The following H1-8 variants were observed in gnomAD, a reference collection of about 807,000 sequenced individuals.
H1-8 encodes the protein H1.8 linker histone.
Under a neutral mutation model 19.5 loss-of-function variants are expected in H1-8, and 13 were observed. The observed-to-expected ratio is 0.67, with a 90% CI of 0.43 to 1.06. H1-8 has a LOEUF of 1.06. Among genes scored for constraint, H1-8 ranks in the 50% least tolerant of loss-of-function variants. The pLI is 0.00. For missense variants in H1-8, 432 were observed against 459.8 expected, an observed-to-expected ratio of 0.94 and a Z score of 0.55; for synonymous variants, 193 against 187.6, an observed-to-expected ratio of 1.03 and a Z score of -0.24.
In H1-8 at chr3:129,549,178, C is replaced by G. The variant is rs749481574; in HGVS notation, c.556C>G (p.Pro186Ala). ...CAAGAGGCCAGCAAAGGTGCAGAAGCCTCCTCCCAAGCCAGGCGCAGCCAC... is the reference window on the plus strand; with the variant it reads ...CAAGAGGCCAGCAAAGGTGCAGAAGGCTCCTCCCAAGCCAGGCGCAGCCAC... Reference protein sequence around the residue: ...AAKRPAKVQKPPPKPGAATEK... With the variant: ...AAKRPAKVQKAPPKPGAATEK... Residue 186 changes from proline to alanine, a missense_variant, in exon 3 of 5, where the codon CCT (proline) becomes GCT (alanine). Transcript: ENST00000324382. 6.4e-7 allele frequency: 1 copy of G among 1,564,630 alleles called. No homozygotes were observed. Among genetic ancestry groups the G allele is most frequent in the East Asian group, 2.4e-5 (1 of 42,254 alleles).
Position 129,543,196 on chromosome 3 carries a change from T to G in H1-8, c.-23T>G. 6.3e-7 allele frequency: 1 copy of G among 1,597,446 alleles called. No homozygotes were observed. Among genetic ancestry groups the G allele is most frequent in the Non-Finnish European group, 8.6e-7 (1 of 1,168,506 alleles). ...CAGCCTCACACCCGGGTGAGGGGTCTGCTGGCTGCACCTGTCGGTCTCATG... is the reference window on the plus strand; with the variant it reads ...CAGCCTCACACCCGGGTGAGGGGTCGGCTGGCTGCACCTGTCGGTCTCATG... On this transcript the variant is annotated 5_prime_UTR_variant, in exon 1 of 5. Transcript: ENST00000324382.
intron 1 of H1-8, among the ~76,000 whole-genome samples, chr3:129,545,270 C>T (rs1382928117): frequency 6.6e-6 from 1 of 152,030 alleles, no homozygotes; most frequent in Non-Finnish European, 1.5e-5. Flanking sequence ...CGATATTGCC[C>T]AGAATTTAAG....
intron 3 of H1-8, among the ~76,000 whole-genome samples, chr3:129,549,611 G>A (rs1377356304): frequency 6.6e-6 from 1 of 151,868 alleles, no homozygotes; most frequent in African/African-American, 2.4e-5. Flanking sequence ...GGAGGAAGGT[G>A]TCTCAAGCAG....
At chr3:129,548,214 T>C (rs2625966) in intron 2 of H1-8, 108,673 of 443,178 alleles carry the variant, frequency 0.25, 23,186 homozygotes, top group African/African-American at 0.8. Flanking sequence ...CATTGCTGGG[T>C]CCCCTGCATC....
chr3:129,549,147 G>T lies in H1-8; in HGVS notation c.525G>T (p.Lys175Asn). 1.9e-6 allele frequency: 3 copies of T among 1,570,722 alleles called. No homozygotes were observed. The highest frequency in any genetic ancestry group is 2.6e-6 in the Non-Finnish European group (3 of 1,156,998). Residue 175 changes from lysine (K) to asparagine (N), a missense_variant, in exon 3 of 5, where the codon AAG (lysine) becomes AAT (asparagine). Transcript: ENST00000324382. ...CTCCCAACGTGGGCAAGGTGAAAAA[G>T]GCAGCCAAGAGGCCAGCAAAGGTGC... The part of the protein sequence containing the change: ...EDPPNVGKVK[K>N]AAKRPAKVQK...
At chr3:129,549,513 G>A (rs563805145) in intron 3 of H1-8, 149 bp downstream of exon 3, 100 of 951,568 alleles carry the variant, frequency 1.1e-4, no homozygotes, top group Non-Finnish European at 1.4e-4. Flanking sequence ...GAGAACTCAT[G>A]GTAGCTGGTT....
chr3:129,548,897 C>G, intron 2 of H1-8, 104 bp from the exon 3 acceptor site: 1 of 1,424,092 alleles, frequency 7.0e-7, no homozygotes, highest in South Asian at 1.4e-5. Context: ...GCCTGTGGAG[C>G]CCCCCTGTTT....
intron 2 of H1-8, chr3:129,548,243 G>A (rs761982454): frequency 1.4e-5 from 11 of 775,882 alleles, no homozygotes; most frequent in Non-Finnish European, 1.7e-5. Flanking sequence ...CTTCCTGCAT[G>A]TAGCAGCTGC....
chr3:129,544,350 G>A (rs1485048998), intron 1 of H1-8, among the ~76,000 whole-genome samples: 1 of 152,070 alleles, frequency 6.6e-6, no homozygotes, highest in African/African-American at 2.4e-5. Flanking sequence ...GATACAGCGA[G>A]GAGAATGCAT....
intron 2 of H1-8, 34 bp from the exon 3 acceptor site, chr3:129,548,967 T>C: frequency 6.4e-7 from 1 of 1,559,434 alleles, no homozygotes. Context: ...CACCTGAGGC[T>C]CTGCTTTCAG....
intron 1 of H1-8, among the ~76,000 whole-genome samples, chr3:129,546,971 G>A (rs1020593096): frequency 1.3e-5 from 2 of 152,152 alleles, no homozygotes; most frequent in African/African-American, 2.4e-5. Context: ...AGGCCGAGGC[G>A]GGTGGGTCAT....
intron 1 of H1-8, among the ~76,000 whole-genome samples, chr3:129,544,187 C>T (rs760735781): frequency 4.6e-5 from 7 of 152,074 alleles, no homozygotes; most frequent in East Asian, 1.9e-4. Context: ...CAGCTTGTCT[C>T]GGAAGCTGCA....
In H1-8 at chr3:129,547,248, A is replaced by T. The variant is rs1472656159; in HGVS notation, c.89-143A>T. 13 of 763,676 alleles carry T rather than the reference A, an allele frequency of 1.7e-5. No homozygotes were observed. In the South Asian group the frequency reaches 1.9e-4, roughly 11 times the overall value. 47.3% of individuals were successfully genotyped at this position (763,676 alleles called of 1,614,324 possible). Reference sequence around the variant, plus strand: ...GAGCCTTGAGGGGAGACCATCCGGGAGCTCCCATGCCAGCGGTCAGTGTCT... The same window carrying T: ...GAGCCTTGAGGGGAGACCATCCGGGTGCTCCCATGCCAGCGGTCAGTGTCT... On this transcript the variant is annotated intron_variant, in intron 1 of 4. Coordinates refer to ENST00000324382, the MANE Select transcript of H1-8 (RefSeq NM_153833.3).
rs772072717 is a variant in H1-8 at position 129,549,256 on chromosome 3, G to A, written c.634G>A (p.Gly212Arg). The change falls in exon 3 of 5, where the codon GGA (glycine) becomes AGA (arginine). Residue 212 changes from glycine to arginine, a missense_variant. Coordinates refer to ENST00000324382, the MANE Select transcript of H1-8 (RefSeq NM_153833.3). ...GGCCAAGGACACCAGGGCACAGTCGGGAGAGGCTAGGAAGGTGCCCCCCAA... is the reference window on the plus strand; with the variant it reads ...GGCCAAGGACACCAGGGCACAGTCGAGAGAGGCTAGGAAGGTGCCCCCCAA... ...GAAKDTRAQS[G>R]EARKVPPKPD... The A allele has an allele frequency of 2.5e-6, 4 of 1,570,968 alleles. No homozygotes were observed. The highest frequency in any genetic ancestry group is 3.3e-4 in the Middle Eastern group (2 of 6,004).
chr3:129,545,330 T>C (rs1276403382), intron 1 of H1-8, among the ~76,000 whole-genome samples: 2 of 152,292 alleles, frequency 1.3e-5, no homozygotes, highest in East Asian at 3.9e-4. Flanking sequence ...ATTCACCACA[T>C]TTAAATCCGG....
At position 129,549,048 on chromosome 3, in the gene H1-8, C is replaced by A; in HGVS notation, c.426C>A (p.Pro142=). The A allele has an allele frequency of 1.2e-6, 2 of 1,612,888 alleles. No individual in the cohort carries two copies. The highest frequency in any genetic ancestry group is 1.7e-6 in the Non-Finnish European group (2 of 1,179,554). Residue 142 remains proline, a synonymous_variant, in exon 3 of 5, where the codon CCC becomes CCA. Coordinates refer to ENST00000324382, the MANE Select transcript of H1-8 (RefSeq NM_153833.3). ...KKKIQPRKMA[P]ATAPRRAGEA... is the part of the protein sequence containing the mutation. The stretch of plus-strand genomic sequence containing the variant: ...AAATCCAGCCCAGGAAGATGGCCCC[C>A]GCGACGGCTCCCAGGAGAGCGGGTG...
chr3:129,546,132 A>ATT, intron 1 of H1-8, among the ~76,000 whole-genome samples: 1 of 143,114 alleles, frequency 7.0e-6, no homozygotes, highest in Admixed American at 7.0e-5. Flanking sequence ...CAATAATAAT[A>ATT]ATAATAATAA....
intron 2 of H1-8, 98 bp from the exon 3 acceptor site, chr3:129,548,903 T>A: frequency 5.5e-6 from 8 of 1,466,274 alleles, no homozygotes; most frequent in South Asian, 2.8e-5. Flanking sequence ...GGAGCCCCCC[T>A]GTTTGGAACG....
Position 129,547,379 on chromosome 3 carries a change from ATC to A in H1-8, c.89-7_89-6del. On this transcript the variant is annotated splice_polypyrimidine_tract_variant and intron_variant, in intron 1 of 4. Coordinates refer to ENST00000324382, the MANE Select transcript of H1-8 (RefSeq NM_153833.3). ...ACTGGGCCCCGGGTGATGGCCTGCC[ATC>A]TCTCCTCAGGCCCGAGCCACGGCGG... is the stretch of plus-strand genomic sequence containing the variant. 1.4e-6 allele frequency: 2 copies of A among 1,477,662 alleles called. No homozygotes were observed. The highest frequency in any genetic ancestry group is 1.8e-6 in the Non-Finnish European group (2 of 1,117,782). The allele number at this position is 1,477,662 out of a possible 1,614,324, so 91.5% of individuals were successfully genotyped here. A position where few individuals can be genotyped will look rare whatever the true frequency, so the allele number is the denominator to read the frequency against.
Sources: gnomAD v4.1 joint callset for allele counts (sites outside exome capture counted in the v4.1 genomes callset) on GRCh38, gnomAD v4.1.1 for gene constraint, MANE v1.5 for transcripts, NCBI Gene and HGNC (gene_info 2026-07-23, HGNC 2026-07-21) for gene names.